Variants in KLHL30 observed in about 807,000 individuals in gnomAD.
KLHL30 encodes kelch-like protein 30.
Under a neutral mutation model 55.0 loss-of-function variants are expected in KLHL30, and 55 were observed. The ratio of observed to expected loss-of-function variants is 1.00; its 90% CI spans 0.80 to 1.25. The LOEUF (loss-of-function observed/expected upper bound fraction) is 1.25, where lower values mean the gene tolerates loss of function less well. KLHL30 is among the 50% of genes most tolerant of loss of function. The probability of loss-of-function intolerance (pLI) is 0.00; values close to 1 mark genes in which losing one functional copy is unlikely to be tolerated. For synonymous variants in KLHL30, 356 were observed against 372.6 expected, an observed-to-expected ratio of 0.96 and a Z score of 0.51; for missense variants, 786 against 811.6, an observed-to-expected ratio of 0.97 and a Z score of 0.38.
Position 238,140,246 on chromosome 2 carries a change from G to A in KLHL30, c.-70-439G>A, listed in dbSNP as rs532009255. 9.2e-5 allele frequency among the ~76,000 whole-genome samples: 14 copies of A among 152,362 alleles called. No individual in the cohort carries two copies. In the East Asian group the frequency reaches 2.5e-3, roughly 27 times the overall value. On this transcript the variant is annotated intron_variant, in intron 1 of 7. Transcript: ENST00000409223. ...TTGGCACGTGGCCTGGCACCTGGGA[G>A]CACCGCGGGAGCAGGAGCTGCTGCA...
Position 238,144,968 on chromosome 2 carries a change from A to G in KLHL30, c.974A>G (p.Asn325Ser), listed in dbSNP as rs1430528591. The change falls in exon 4 of 8, where the codon AAC becomes AGC. Residue 325 changes from asparagine (N) to serine (S), a missense_variant. Physicochemically the swap from Asn to Ser is conservative, Grantham distance 46. Transcript: ENST00000409223. ...TGGGGTTTCTCCCTGGCGGCCCTGA[A>G]CAACAACATCTATGTCACAGGTGGG... is the stretch of plus-strand genomic sequence containing the variant. ...HKWGFSLAALNNNIYVTGGSR... is the reference protein window; with the variant it reads ...HKWGFSLAALSNNIYVTGGSR... 1 of 1,607,864 alleles carries G rather than the reference A, an allele frequency of 6.2e-7. No homozygotes were observed. Among genetic ancestry groups the G allele is most frequent in the East Asian group, 2.2e-5 (1 of 44,706 alleles).
rs891409541 is a variant in KLHL30 at position 238,145,045 on chromosome 2, G to A, written c.994+57G>A. ...CCTGCCCAGCCAAGCACTGGGCTCA[G>A]TGCAACTCCCCGCACTCCGTGGGGT... is the stretch of plus-strand genomic sequence containing the variant. On this transcript the variant is annotated intron_variant, in intron 4 of 7. Transcript: ENST00000409223. 8.7e-6 allele frequency: 12 copies of A among 1,378,370 alleles called. No homozygotes were observed. The African/African-American group carries it at 1.1e-4, about 13-fold the overall frequency. The allele number at this position is 1,378,370 out of a possible 1,614,324, so 85.4% of individuals were successfully genotyped here.
intron 2 of KLHL30, among the ~76,000 whole-genome samples, chr2:238,142,592 G>C (rs1237647209): frequency 1.3e-5 from 2 of 152,214 alleles, no homozygotes; most frequent in African/African-American, 4.8e-5. Flanking sequence ...TATGGGATCG[G>C]TTCTGAAGAT....
At position 238,141,226 on chromosome 2, in the gene KLHL30, C is replaced by A; in HGVS notation, c.472C>A (p.Leu158Met). ...LGVAAKAWAF[L>M]RENFEAVARE... ...CGTGGCTGCCAAGGCCTGGGCCTTC[C>A]TGCGAGAGAACTTTGAGGCTGTGGC... Residue 158 changes from leucine to methionine, a missense_variant, in exon 2 of 8, where the codon CTG becomes ATG. Leu to Met is a conservative substitution (Grantham distance 15). Transcript: ENST00000409223. 1 of 1,609,704 alleles carries A rather than the reference C, an allele frequency of 6.2e-7. No individual in the cohort carries two copies. Among genetic ancestry groups the A allele is most frequent in the Non-Finnish European group, 8.5e-7 (1 of 1,179,662 alleles).
intron 3 of KLHL30, among the ~76,000 whole-genome samples, chr2:238,143,776 C>T (rs920281551): frequency 2.0e-5 from 3 of 152,190 alleles, no homozygotes; most frequent in Non-Finnish European, 2.9e-5. Context: ...CAGACCTGGC[C>T]GGGAGGTGGG....
Position 238,141,234 on chromosome 2 carries a change from G to T in KLHL30, c.480G>T (p.Glu160Asp), listed in dbSNP as rs779654455. The change falls in exon 2 of 8, where the codon GAG becomes GAT. Residue 160 changes from glutamate (E) to aspartate (D), a missense_variant. Glu to Asp is a conservative substitution (Grantham distance 45, BLOSUM62 2). Coordinates refer to ENST00000409223, the MANE Select transcript of KLHL30 (RefSeq NM_198582.4). ...CCAAGGCCTGGGCCTTCCTGCGAGA[G>T]AACTTTGAGGCTGTGGCACGTGAGG... ...VAAKAWAFLR[E>D]NFEAVAREDE... 2 of 1,608,824 alleles carry T rather than the reference G, an allele frequency of 1.2e-6. No individual in the cohort carries two copies. Among genetic ancestry groups the T allele is most frequent in the Non-Finnish European group, 1.7e-6 (2 of 1,179,668 alleles).
At position 238,145,745 on chromosome 2, in the gene KLHL30, GCCT is replaced by G; in HGVS notation, c.1067_1069del (p.Ser356del). 6.2e-7 allele frequency: 1 copy of G among 1,600,266 alleles called. No homozygotes were observed. The highest frequency in any genetic ancestry group is 8.5e-7 in the Non-Finnish European group (1 of 1,174,670). On this transcript the variant is annotated inframe_deletion, in exon 5 of 8. Coordinates refer to ENST00000409223, the MANE Select transcript of KLHL30 (RefSeq NM_198582.4). ...GGCCTGGTGCTTCCCCCTGAAGGAGGCCTCCTGGAAGCCCGTGGCGCCCATGCT... is the reference window on the plus strand; with the variant it reads ...GGCCTGGTGCTTCCCCCTGAAGGAGGCCTGGAAGCCCGTGGCGCCCATGCT...
chr2:238,142,791 C>A lies in KLHL30; in HGVS notation c.775-8C>A. On this transcript the variant is annotated splice_polypyrimidine_tract_variant and splice_region_variant and intron_variant, in intron 2 of 7. Transcript: ENST00000409223. ...CTGTTGCCCTGACCCTGGCCTCCCA[C>A]CCCACAGGCACCACTCGCCCTCCAG... 1 of 1,387,848 alleles carries A rather than the reference C, an allele frequency of 7.2e-7. No homozygotes were observed. The highest frequency in any genetic ancestry group is 1.9e-5 in the South Asian group (1 of 53,976). 86.0% of individuals were successfully genotyped at this position (1,387,848 alleles called of 1,614,324 possible).
intron 3 of KLHL30, 120 bp downstream of exon 3, chr2:238,143,051 C>T (rs1281312858): frequency 1.6e-6 from 2 of 1,248,504 alleles, no homozygotes; most frequent in Non-Finnish European, 2.1e-6. Flanking sequence ...TGTGTGAGGC[C>T]CCTGTGAGGG....
At position 238,141,038 on chromosome 2, in the gene KLHL30, G is replaced by A. The variant is rs766884809; in HGVS notation, c.284G>A (p.Arg95Gln). ...CTGGTGGACTTCGTGTACACAGGCC[G>A]GCTGACCATCACGCAGGGCAACGTG... ...GQLVDFVYTG[R>Q]LTITQGNVEA... Residue 95 changes from arginine (R) to glutamine (Q), a missense_variant, in exon 2 of 8, where the codon CGG becomes CAG. Coordinates refer to ENST00000409223, the MANE Select transcript of KLHL30 (RefSeq NM_198582.4). The A allele has an allele frequency of 1.7e-5, 28 of 1,612,052 alleles. No homozygotes were observed. Among genetic ancestry groups the A allele is most frequent in the East Asian group, 2.2e-5 (1 of 44,880 alleles).
intron 1 of KLHL30, among the ~76,000 whole-genome samples, chr2:238,139,594 T>C (rs7355516): frequency 0.83 from 126,086 of 152,248 alleles, 52,744 homozygotes; most frequent in African/African-American, 0.95. Flanking sequence ...CTAGCTCCCA[T>C]CGCCTGCACC....
In KLHL30 at chr2:238,152,239, C is replaced by A; in HGVS notation, c.*1174C>A. On this transcript the variant is annotated 3_prime_UTR_variant, in exon 8 of 8. Transcript: ENST00000409223. ...AGCCCCTGGGTTCCTCCTTAACACC[C>A]CCCGCCCCTGGGGACCAGAGGGGCC... 1.0e-6 allele frequency: 1 copy of A among 985,338 alleles called. No individual in the cohort carries two copies. Among genetic ancestry groups the A allele is most frequent in the Non-Finnish European group, 1.2e-6 (1 of 829,800 alleles). The allele number at this position is 985,338 out of a possible 1,614,324, so 61.0% of individuals were successfully genotyped here. A position where few individuals can be genotyped will look rare whatever the true frequency, so the allele number is the denominator to read the frequency against.
chr2:238,147,927 T>TCTC lies in KLHL30; in HGVS notation c.1245_1247dup (p.Ser416dup), dbSNP rs1692676443. ...CCGGCCCTCAAATACGTCAGCAACT[T>TCTC]CTCGGCTGCCGGCTGCCGGGGCCGG... On this transcript the variant is annotated inframe_insertion, in exon 6 of 8. Transcript: ENST00000409223. The surrounding 1 kb of genome is among the most constrained non-coding windows in gnomAD (Gnocchi z 5.8). 1.2e-6 allele frequency: 2 copies of TCTC among 1,601,012 alleles called. No homozygotes were observed. The highest frequency in any genetic ancestry group is 3.4e-5 in the Admixed American group (2 of 58,684).
chr2:238,147,877 C>G lies in KLHL30; in HGVS notation c.1194C>G (p.Tyr398Ter). ...TGGAGGTGGAGAGCTATGACCCCTA[C>G]ACGGACAGCTGGACGCCCGTCAGCC... ...DVVEVESYDP[Y>*]TDSWTPVSPA... is the part of the protein sequence containing the mutation. Residue 398 changes from tyrosine (Y) to a stop codon, truncating the protein, a stop_gained, in exon 6 of 8, where the codon TAC becomes TAG. Coordinates refer to ENST00000409223, the MANE Select transcript of KLHL30 (RefSeq NM_198582.4). LOFTEE classifies it high-confidence loss of function. The surrounding 1 kb of genome is among the most constrained non-coding windows in gnomAD (Gnocchi z 5.8). 6.3e-7 allele frequency: 1 copy of G among 1,595,306 alleles called. No individual in the cohort carries two copies. Among genetic ancestry groups the G allele is most frequent in the South Asian group, 1.1e-5 (1 of 88,416 alleles).
At position 238,144,883 on chromosome 2, in the gene KLHL30, G is replaced by A; in HGVS notation, c.908-19G>A. On this transcript the variant is annotated intron_variant, in intron 3 of 7. Coordinates refer to ENST00000409223, the MANE Select transcript of KLHL30 (RefSeq NM_198582.4). ...GGGAGCCTGGCAGCCTGACCCTTCTGCCTCTCTCTTCCTGCCAGAGAGGTG... is the reference window on the plus strand; with the variant it reads ...GGGAGCCTGGCAGCCTGACCCTTCTACCTCTCTCTTCCTGCCAGAGAGGTG... The A allele has an allele frequency of 6.3e-7, 1 of 1,586,844 alleles. No individual in the cohort carries two copies. Among genetic ancestry groups the A allele is most frequent in the Non-Finnish European group, 8.6e-7 (1 of 1,160,918 alleles).
Position 238,147,853 on chromosome 2 carries a change from G to A in KLHL30, c.1170G>A (p.Val390=). 6.5e-7 allele frequency: 1 copy of A among 1,533,494 alleles called. No individual in the cohort carries two copies. The highest frequency in any genetic ancestry group is 8.8e-7 in the Non-Finnish European group (1 of 1,134,440). The allele number at this position is 1,533,494 out of a possible 1,614,324, so 95.0% of individuals were successfully genotyped here. A position where few individuals can be genotyped will look rare whatever the true frequency, so the allele number is the denominator to read the frequency against. Residue 390 remains valine (V), a synonymous_variant, in exon 6 of 8, where the codon GTG becomes GTA. Coordinates refer to ENST00000409223, the MANE Select transcript of KLHL30 (RefSeq NM_198582.4). The surrounding 1 kb of genome is among the most constrained non-coding windows in gnomAD (Gnocchi z 5.8). ...YVIGGTTLDV[V]EVESYDPYTD... Reference sequence around the variant, plus strand: ...CCACAGGCACCACCCTGGACGTGGTGGAGGTGGAGAGCTATGACCCCTACA... The same window carrying A: ...CCACAGGCACCACCCTGGACGTGGTAGAGGTGGAGAGCTATGACCCCTACA...
In KLHL30 at chr2:238,147,229, C is replaced by T. The variant is rs1240478749; in HGVS notation, c.1151-605C>T. 6.6e-6 allele frequency among the ~76,000 whole-genome samples: 1 copy of T among 152,024 alleles called. No homozygotes were observed. The highest frequency in any genetic ancestry group is 1.5e-5 in the Non-Finnish European group (1 of 67,988). On this transcript the variant is annotated intron_variant, in intron 5 of 7. Coordinates refer to ENST00000409223, the MANE Select transcript of KLHL30 (RefSeq NM_198582.4). This position sits in a 1 kb window ranked among gnomAD's most constrained non-coding sequence, Gnocchi z 5.8. ...AGGTGATGAACTGGTCTTGAGGCCA[C>T]TTCTAATGCCCCATCTGTCCCAGCT...
intron 2 of KLHL30, among the ~76,000 whole-genome samples, chr2:238,142,020 C>T (rs1692552126): frequency 6.6e-6 from 1 of 152,194 alleles, no homozygotes; most frequent in Admixed American, 6.5e-5. Context: ...CACAGACAGG[C>T]CTGGCAGTCC....
chr2:238,150,936 C>G lies in KLHL30; in HGVS notation c.1608C>G (p.Tyr536Ter). Residue 536 changes from tyrosine (Y) to a stop codon, truncating the protein, a stop_gained, in exon 8 of 8, where the codon TAC (tyrosine) becomes TAG (stop). Transcript: ENST00000409223. LOFTEE classifies it high-confidence loss of function. Reference sequence around the variant, plus strand: ...ACTACCACGTGGAGATGGAGGCCTACGACACGGTTCGGGACACCTGGACCC... The same window carrying G: ...ACTACCACGTGGAGATGGAGGCCTAGGACACGGTTCGGGACACCTGGACCC... The part of the protein sequence containing the change: ...EGDYHVEMEA[Y>*]DTVRDTWTRH... 6.3e-7 allele frequency: 1 copy of G among 1,588,324 alleles called. No homozygotes were observed.
Sources: gnomAD v4.1 joint callset for allele counts (sites outside exome capture counted in the v4.1 genomes callset) on GRCh38, gnomAD v4.1.1 for gene constraint, Gnocchi (gnomAD v3.1) non-coding constraint, MANE v1.5 for transcripts, NCBI Gene and HGNC (gene_info 2026-07-23, HGNC 2026-07-21) for gene names.